Variants in DLG2 observed in about 807,000 individuals in gnomAD.
DLG2 encodes discs large MAGUK scaffold protein 2.
DLG2 carries 45 observed loss-of-function variants against 132.5 expected under a neutral mutation model. That is an observed-to-expected ratio of 0.34 (90% CI 0.27 to 0.44). The LOEUF (loss-of-function observed/expected upper bound fraction) is 0.44. Among genes scored for constraint, DLG2 ranks in the 20% least tolerant of loss-of-function variants. The pLI, the probability that DLG2 is intolerant of heterozygous loss-of-function variation, is 1.00. For synonymous variants in DLG2, 424 were observed against 419.6 expected (o/e 1.01, Z -0.13); for missense variants, 1,045 against 1,196.9 (o/e 0.87, Z 1.87).
chr11:83,873,577 T>C (rs905802731), intron 16 of DLG2, among the ~76,000 whole-genome samples: 5 of 152,204 alleles, frequency 3.3e-5, no homozygotes, highest in Admixed American at 1.3e-4. Context: ...GAAATGCAAC[T>C]CCACTAAACC....
At chr11:83,828,885 T>C (rs769693002) in intron 17 of DLG2, among the ~76,000 whole-genome samples, 2 of 152,180 alleles carry the variant, frequency 1.3e-5, no homozygotes, top group Non-Finnish European at 2.9e-5. Flanking sequence ...TGTATGTATA[T>C]GTGTTTATAT....
intron 18 of DLG2, among the ~76,000 whole-genome samples, chr11:83,728,030 C>T (rs1443412375): frequency 6.6e-6 from 1 of 152,140 alleles, no homozygotes; most frequent in African/African-American, 2.4e-5. Flanking sequence ...GAATCTTCAG[C>T]CTCAAACCTC....
At chr11:85,003,091 A>G (rs1396823494) in intron 6 of DLG2, among the ~76,000 whole-genome samples, 3 of 152,110 alleles carry the variant, frequency 2.0e-5, no homozygotes, top group Admixed American at 2.0e-4. Flanking sequence ...CAAATTTTAC[A>G]TGGCATGGGG....
At chr11:84,698,400 T>C (rs1013263957) in intron 6 of DLG2, among the ~76,000 whole-genome samples, 21 of 151,454 alleles carry the variant, frequency 1.4e-4, no homozygotes, top group Non-Finnish European at 3.1e-4. Context: ...AGTCAACAAA[T>C]GAAGAAACCA....
At chr11:83,975,444 T>G (rs2092054391) in intron 12 of DLG2, among the ~76,000 whole-genome samples, 1 of 152,042 alleles carries the variant, frequency 6.6e-6, no homozygotes, top group Admixed American at 6.6e-5. Context: ...ACATATACCA[T>G]GTATTTGGGT....
intron 7 of DLG2, among the ~76,000 whole-genome samples, chr11:84,505,962 T>C (rs1046964643): frequency 1.3e-5 from 2 of 152,098 alleles, no homozygotes; most frequent in African/African-American, 4.8e-5. Flanking sequence ...AACCTGTAAC[T>C]GTGTTACCTT....
intron 3 of DLG2, among the ~76,000 whole-genome samples, chr11:85,308,093 G>A (rs2080069886): frequency 6.6e-6 from 1 of 151,800 alleles, no homozygotes; most frequent in Admixed American, 6.6e-5. Context: ...GGCAGAGGTT[G>A]TAGTGAGCTG....
intron 3 of DLG2, among the ~76,000 whole-genome samples, chr11:85,286,712 C>T (rs567949253): frequency 1.3e-5 from 2 of 152,198 alleles, no homozygotes; most frequent in East Asian, 3.9e-4. Flanking sequence ...GCTCTGTCTT[C>T]TGAGAGGACC....
At chr11:84,298,085 T>C (rs186774654) in intron 7 of DLG2, among the ~76,000 whole-genome samples, 1 of 152,164 alleles carries the variant, frequency 6.6e-6, no homozygotes, top group Non-Finnish European at 1.5e-5. Flanking sequence ...TCTGAAGTAA[T>C]CTTATTTGTC....
intron 6 of DLG2, among the ~76,000 whole-genome samples, chr11:84,977,544 G>A (rs996452386): frequency 2.6e-5 from 4 of 152,104 alleles, no homozygotes; most frequent in African/African-American, 9.7e-5. Context: ...TAGAAATTCT[G>A]ATATTCATTA....
At chr11:84,372,346 G>C (rs998535703) in intron 7 of DLG2, among the ~76,000 whole-genome samples, 3 of 152,068 alleles carry the variant, frequency 2.0e-5, no homozygotes, top group Non-Finnish European at 4.4e-5. Flanking sequence ...AACAAAGAAA[G>C]ACTTAAATTG....
At chr11:84,383,819 A>G (rs1372688693) in intron 7 of DLG2, among the ~76,000 whole-genome samples, 1 of 152,098 alleles carries the variant, frequency 6.6e-6, no homozygotes, top group East Asian at 1.9e-4. Flanking sequence ...GAGTCCTGCT[A>G]TGCTGTGCTT....
chr11:84,312,138 C>T (rs2098293730), intron 7 of DLG2, among the ~76,000 whole-genome samples: 1 of 152,176 alleles, frequency 6.6e-6, no homozygotes, highest in Non-Finnish European at 1.5e-5. Context: ...ATCACCACAA[C>T]TCTCTGAGGT....
At chr11:84,491,789 C>G (rs894887889) in intron 7 of DLG2, among the ~76,000 whole-genome samples, 3 of 152,108 alleles carry the variant, frequency 2.0e-5, no homozygotes, top group African/African-American at 7.2e-5. Flanking sequence ...TTTTTTCTTG[C>G]TACATTCCTC....
At chr11:85,531,004 T>A (rs117443149) in intron 3 of DLG2, among the ~76,000 whole-genome samples, 5,633 of 152,262 alleles carry the variant, frequency 0.037, 153 homozygotes, top group Admixed American at 0.054. Flanking sequence ...ATTTCCCTCG[T>A]AAATAAAATA....
In DLG2 at chr11:85,240,621, T is replaced by C. The variant is rs553806108; in HGVS notation, c.186+44599A>G. On this transcript the variant is annotated intron_variant, in intron 4 of 27. Coordinates refer to ENST00000376104, the MANE Select transcript of DLG2 (RefSeq NM_001142699.3). ...TTGATGGAAGCTGAGGATCCACCTT[T>C]ATTTTTCTGTATGTGTGGTCAGTTT... Among the ~76,000 whole-genome samples the C allele has an allele frequency of 2.4e-3, 359 of 151,954 alleles. 4 individuals are homozygous for C. Among genetic ancestry groups the C allele is most frequent in the African/African-American group, 8.4e-3 (349 of 41,554 alleles).
intron 6 of DLG2, among the ~76,000 whole-genome samples, chr11:84,922,175 TAAAAA>T (rs111271156): frequency 7.1e-6 from 1 of 141,040 alleles, no homozygotes; most frequent in Non-Finnish European, 1.6e-5. Context: ...ATATTGACTT[TAAAAA>T]AAAAAAAAAA....
chr11:85,367,819 A>G (rs946646366), intron 3 of DLG2, among the ~76,000 whole-genome samples: 1 of 152,158 alleles, frequency 6.6e-6, no homozygotes, highest in African/African-American at 2.4e-5. Context: ...TTTATTTATT[A>G]ATGATATGCC....
intron 7 of DLG2, among the ~76,000 whole-genome samples, chr11:84,260,336 T>C (rs1009809529): frequency 2.0e-5 from 3 of 152,162 alleles, no homozygotes; most frequent in Admixed American, 6.5e-5. Context: ...GATGAAGAAA[T>C]GGGGATTGCT....
Sources: allele counts gnomAD v4.1 joint callset (sites outside exome capture counted in the v4.1 genomes callset), GRCh38; gene constraint gnomAD v4.1.1; transcripts MANE v1.5; gene names NCBI Gene and HGNC (gene_info 2026-07-23, HGNC 2026-07-21).